PARD3B: variants seen among roughly 807,000 people sequenced by gnomAD.
PARD3B encodes the protein par-3 family cell polarity regulator beta, also known as partitioning defective 3 homolog B.
PARD3B carries 103 observed loss-of-function variants against 130.2 expected under a neutral mutation model. That is an observed-to-expected ratio of 0.79 (90% CI 0.67 to 0.93). PARD3B has a LOEUF of 0.93. Among genes scored for constraint, PARD3B ranks in the 40% least tolerant of loss-of-function variants. The pLI, the probability that PARD3B is intolerant of heterozygous loss-of-function variation, is 0.00. For missense variants in PARD3B, 1,609 were observed against 1,499.2 expected (o/e 1.07, Z -1.21); for synonymous variants, 583 against 553.2 (o/e 1.05, Z -0.76).
At chr2:204,988,417 A>G (rs931894312) in intron 3 of PARD3B, among the ~76,000 whole-genome samples, 5 of 152,184 alleles carry the variant, frequency 3.3e-5, no homozygotes, top group African/African-American at 1.2e-4. Flanking sequence ...AAGACATAGA[A>G]TGACTATGAC....
chr2:204,733,939 C>T (rs6732510), intron 2 of PARD3B, among the ~76,000 whole-genome samples: 117,770 of 152,040 alleles, frequency 0.77, 45,763 homozygotes, highest in East Asian at 0.89. Context: ...TAGGCAAATA[C>T]TTCTTACATA....
intron 2 of PARD3B, among the ~76,000 whole-genome samples, chr2:204,847,311 G>A (rs540048325): frequency 9.0e-4 from 136 of 151,152 alleles, no homozygotes; most frequent in African/African-American, 3.0e-3. Context: ...TGCTTAAATT[G>A]CAAATCAGTG....
chr2:204,870,539 C>T (rs1443927704), intron 2 of PARD3B, among the ~76,000 whole-genome samples: 7 of 152,036 alleles, frequency 4.6e-5, no homozygotes, highest in Non-Finnish European at 7.4e-5. Flanking sequence ...ATGAAATGCT[C>T]GGGGTAAGCG....
intron 16 of PARD3B, among the ~76,000 whole-genome samples, chr2:205,290,442 G>T (rs569884982): frequency 3.3e-4 from 51 of 152,252 alleles, no homozygotes; most frequent in African/African-American, 1.2e-3. Flanking sequence ...AAGTCAATAG[G>T]ATGACATTTC....
intron 1 of PARD3B, among the ~76,000 whole-genome samples, chr2:204,565,895 G>T (rs141299604): frequency 1.3e-5 from 2 of 152,304 alleles, no homozygotes; most frequent in East Asian, 3.9e-4. Context: ...AATGCTTTAT[G>T]TGTACTTCCC....
chr2:205,206,109 C>G (rs2037281637), intron 15 of PARD3B, among the ~76,000 whole-genome samples: 1 of 151,412 alleles, frequency 6.6e-6, no homozygotes, highest in Non-Finnish European at 1.5e-5. Flanking sequence ...CTATTAATTA[C>G]TGCCTCAATT....
intron 1 of PARD3B, among the ~76,000 whole-genome samples, chr2:204,633,051 G>C (rs1448283662): frequency 1.3e-5 from 2 of 152,070 alleles, no homozygotes; most frequent in Admixed American, 1.3e-4. Flanking sequence ...TGAGAGTTTG[G>C]ATAGTTCTCC....
chr2:204,716,768 G>A (rs941672647), intron 2 of PARD3B, among the ~76,000 whole-genome samples: 6 of 151,618 alleles, frequency 4.0e-5, no homozygotes, highest in Non-Finnish European at 5.9e-5. Flanking sequence ...GACCACAGGC[G>A]CCCGCCACCA....
At chr2:205,576,836 TTC>T (rs1341392118) in intron 22 of PARD3B, among the ~76,000 whole-genome samples, 6 of 152,186 alleles carry the variant, frequency 3.9e-5, no homozygotes, top group African/African-American at 1.4e-4. Context: ...AAAAAAGACT[TTC>T]TCTGTTTTTG....
At chr2:205,593,923 T>C (rs2054480364) in intron 22 of PARD3B, among the ~76,000 whole-genome samples, 1 of 152,216 alleles carries the variant, frequency 6.6e-6, no homozygotes, top group Admixed American at 6.5e-5. Context: ...ATTCCTCCAA[T>C]GTGCTGTCAC....
In PARD3B at chr2:205,592,272, CT is replaced by C. The variant is rs941598613; in HGVS notation, c.3261-23182del. ...GGGCTGAGCGTAACATCAAGGTTGA[CT>C]TGTTCATTGGAATTGCTGTACGCCT... On this transcript the variant is annotated intron_variant, in intron 22 of 22. Coordinates refer to ENST00000406610, the MANE Select transcript of PARD3B (RefSeq NM_001302769.2). This position sits in a 1 kb window ranked among gnomAD's most constrained non-coding sequence, Gnocchi z 4.5. Among the ~76,000 whole-genome samples the C allele has an allele frequency of 4.7e-4, 72 of 152,192 alleles. 3 individuals are homozygous for C. Among genetic ancestry groups the C allele is most frequent in the Non-Finnish European group, 1.3e-4 (9 of 68,042 alleles).
At chr2:205,444,448 C>T (rs1465205202) in intron 20 of PARD3B, among the ~76,000 whole-genome samples, 1 of 152,170 alleles carries the variant, frequency 6.6e-6, no homozygotes, top group Admixed American at 6.5e-5. Context: ...GAGAAAGATC[C>T]TGTCTCAAAA....
chr2:204,718,456 C>T (rs893363916), intron 2 of PARD3B, among the ~76,000 whole-genome samples: 5 of 152,062 alleles, frequency 3.3e-5, no homozygotes, highest in Non-Finnish European at 4.4e-5. Context: ...GGGAAACCAC[C>T]GCTTACAAAA....
At position 205,301,462 on chromosome 2, in the gene PARD3B, A is replaced by G. The variant is rs1267960101; in HGVS notation, c.2393-2A>G. The G allele has an allele frequency of 1.9e-6, 3 of 1,608,818 alleles. No individual in the cohort carries two copies. Among genetic ancestry groups the G allele is most frequent in the Admixed American group, 3.4e-5 (2 of 58,596 alleles). On this transcript the variant is annotated splice_acceptor_variant, in intron 17 of 22. Transcript: ENST00000406610. LOFTEE classifies it high-confidence loss of function. This position sits in a 1 kb window ranked among gnomAD's most constrained non-coding sequence, Gnocchi z 5.2. ...GGTATTGATTATTTTTTCTCTGTACAGACGGTCTGTCTGATAAGAGCTCTC... is the reference window on the plus strand; with the variant it reads ...GGTATTGATTATTTTTTCTCTGTACGGACGGTCTGTCTGATAAGAGCTCTC...
chr2:204,862,124 G>T (rs574470885), intron 2 of PARD3B, among the ~76,000 whole-genome samples: 2 of 152,124 alleles, frequency 1.3e-5, no homozygotes, highest in East Asian at 3.9e-4. Flanking sequence ...TCAAATCTTT[G>T]CTTAGAGGAA....
At chr2:205,508,300 G>T (rs1212666672) in intron 21 of PARD3B, among the ~76,000 whole-genome samples, 1 of 152,136 alleles carries the variant, frequency 6.6e-6, no homozygotes, top group African/African-American at 2.4e-5. Flanking sequence ...AGGCCAGGAG[G>T]GGTGGCCCAT....
At chr2:205,013,264 A>G (rs2125313487) in intron 3 of PARD3B, among the ~76,000 whole-genome samples, 1 of 152,284 alleles carries the variant, frequency 6.6e-6, no homozygotes, top group Admixed American at 6.5e-5. Context: ...TTTGCTTTCT[A>G]CGGTGCTCTT....
intron 21 of PARD3B, among the ~76,000 whole-genome samples, chr2:205,536,465 C>T (rs1024810388): frequency 6.6e-6 from 1 of 152,116 alleles, no homozygotes. Flanking sequence ...ATGGGTTGTT[C>T]CCCACGGTTG....
At chr2:204,708,468 T>C (rs1166615483) in intron 2 of PARD3B, among the ~76,000 whole-genome samples, 2 of 152,202 alleles carry the variant, frequency 1.3e-5, no homozygotes, top group Non-Finnish European at 2.9e-5. Flanking sequence ...TCAGAAACGA[T>C]CTCCTAGTAT....
Sources: gnomAD v4.1 joint callset for allele counts (sites outside exome capture counted in the v4.1 genomes callset) on GRCh38, gnomAD v4.1.1 for gene constraint, Gnocchi (gnomAD v3.1) non-coding constraint, MANE v1.5 for transcripts, NCBI Gene and HGNC (gene_info 2026-07-23, HGNC 2026-07-21) for gene names.